Variants in DDX10 observed in about 807,000 individuals in gnomAD.
DDX10 encodes DEAD-box helicase 10, also known as probable ATP-dependent RNA helicase DDX10.
Under a neutral mutation model 104.3 loss-of-function variants are expected in DDX10, and 74 were observed. The ratio of observed to expected loss-of-function variants is 0.71; its 90% CI spans 0.59 to 0.86. The LOEUF (loss-of-function observed/expected upper bound fraction) is 0.86. DDX10 is among the 40% of genes least tolerant of loss of function. The pLI is 0.00. For synonymous variants in DDX10, 351 were observed against 353.4 expected, an observed-to-expected ratio of 0.99 and a Z score of 0.08; for missense variants, 952 against 1,040.0, an observed-to-expected ratio of 0.92 and a Z score of 1.16.
chr11:108,925,725 A>G (rs1419019547), intron 17 of DDX10, among the ~76,000 whole-genome samples: 1 of 152,198 alleles, frequency 6.6e-6, no homozygotes, highest in Non-Finnish European at 1.5e-5. Context: ...TGTTATTACA[A>G]GTAATTTTAA....
chr11:108,796,491 C>T (rs1342550466), intron 13 of DDX10, among the ~76,000 whole-genome samples: 3 of 152,160 alleles, frequency 2.0e-5, no homozygotes, highest in African/African-American at 7.2e-5. Context: ...ATTCTTATGT[C>T]TATCACAAAT....
intron 17 of DDX10, among the ~76,000 whole-genome samples, chr11:108,934,409 G>T (rs1346117453): frequency 6.6e-6 from 1 of 152,154 alleles, no homozygotes; most frequent in Non-Finnish European, 1.5e-5. Flanking sequence ...TGCTGATCTG[G>T]TGGTCTGGAA....
At chr11:108,742,799 T>G (rs2094326874) in intron 13 of DDX10, among the ~76,000 whole-genome samples, 2 of 151,998 alleles carry the variant, frequency 1.3e-5, no homozygotes, top group South Asian at 2.1e-4. Flanking sequence ...AAGAAATGGA[T>G]AAATTCCTGG....
intron 13 of DDX10, among the ~76,000 whole-genome samples, chr11:108,828,213 A>G (rs542594754): frequency 4.1e-4 from 62 of 152,268 alleles, no homozygotes; most frequent in Admixed American, 1.4e-3. Flanking sequence ...TTACATGAAT[A>G]GGTTCTTTAG....
chr11:108,841,252 A>G (rs1862633035), intron 14 of DDX10, 63 bp from the exon 15 acceptor site: 3 of 1,398,112 alleles, frequency 2.1e-6, no homozygotes, highest in Admixed American at 3.8e-5. Flanking sequence ...ATCAGACAAA[A>G]TGAAGTGTCT....
At chr11:108,863,066 GTTAT>G (rs1439196134) in intron 16 of DDX10, among the ~76,000 whole-genome samples, 1 of 152,060 alleles carries the variant, frequency 6.6e-6, no homozygotes, top group African/African-American at 2.4e-5. Flanking sequence ...ATAGATTCTG[GTTAT>G]TTATTTATTT....
At chr11:108,809,081 G>A (rs1252513624) in intron 13 of DDX10, among the ~76,000 whole-genome samples, 1 of 151,882 alleles carries the variant, frequency 6.6e-6, no homozygotes, top group African/African-American at 2.4e-5. Flanking sequence ...ATTATTTGGG[G>A]CAACTTTGAG....
At chr11:108,762,627 A>G (rs189927360) in intron 13 of DDX10, among the ~76,000 whole-genome samples, 2 of 152,326 alleles carry the variant, frequency 1.3e-5, no homozygotes, top group Admixed American at 6.5e-5. Flanking sequence ...TTCTCCAAAC[A>G]TCTTAATTGT....
At chr11:108,765,621 A>G (rs1334353805) in intron 13 of DDX10, among the ~76,000 whole-genome samples, 3 of 152,234 alleles carry the variant, frequency 2.0e-5, no homozygotes, top group Non-Finnish European at 4.4e-5. Context: ...TGTATTTAAT[A>G]TGTGTCAGTT....
intron 9 of DDX10, among the ~76,000 whole-genome samples, chr11:108,696,186 GT>G (rs747814944): frequency 6.7e-6 from 1 of 149,158 alleles, no homozygotes; most frequent in Non-Finnish European, 1.5e-5. Context: ...GTTCTGTTTT[GT>G]TTTTTTTGAG....
chr11:108,888,351 A>G (rs544897816), intron 16 of DDX10, among the ~76,000 whole-genome samples: 4 of 152,286 alleles, frequency 2.6e-5, no homozygotes, highest in Admixed American at 1.3e-4. Context: ...TGTTCAATAT[A>G]TATTCCCCCC....
rs573322949 is a variant in DDX10, at chr11:108,776,945, C to A, written c.1965+53483C>A. The stretch of plus-strand genomic sequence containing the variant: ...GCTTCCAGGTGGGGACTTGGCCCAG[C>A]TGACATTTTGATTTCAGACTTGTGA... On this transcript the variant is annotated intron_variant, in intron 13 of 17. Coordinates refer to ENST00000322536, the MANE Select transcript of DDX10 (RefSeq NM_004398.4). Among the ~76,000 whole-genome samples the A allele has an allele frequency of 3.3e-5, 5 of 152,322 alleles. No individual in the cohort carries two copies. In the East Asian group the frequency reaches 7.7e-4, roughly 24 times the overall value.
chr11:108,799,930 T>G (rs565225573), intron 13 of DDX10, among the ~76,000 whole-genome samples: 5 of 152,144 alleles, frequency 3.3e-5, no homozygotes, highest in African/African-American at 9.6e-5. Context: ...TTGTTGTTGT[T>G]AAGAGATGGA....
intron 13 of DDX10, among the ~76,000 whole-genome samples, chr11:108,817,192 T>C (rs1185912262): frequency 6.6e-6 from 1 of 152,244 alleles, no homozygotes; most frequent in Non-Finnish European, 1.5e-5. Flanking sequence ...TGCTGTATTC[T>C]TTCTTTCATA....
intron 14 of DDX10, 139 bp from the exon 15 acceptor site, chr11:108,841,176 T>A (rs1248114646): frequency 1.5e-6 from 1 of 673,476 alleles, no homozygotes; most frequent in Non-Finnish European, 2.5e-6. Context: ...TGAAGTTGAT[T>A]AGAAGATTAA....
Position 108,770,736 on chromosome 11 carries a change from T to C in DDX10, c.1965+47274T>C, listed in dbSNP as rs573228125. On this transcript the variant is annotated intron_variant, in intron 13 of 17. Coordinates refer to ENST00000322536, the MANE Select transcript of DDX10 (RefSeq NM_004398.4). ...TGGTTCACTAGTACTCCATTGTGCA[T>C]ATGTACCTCATTTTTTTTTTTAATC... Among the ~76,000 whole-genome samples, 5 of 152,236 alleles carry C rather than the reference T, an allele frequency of 3.3e-5. No homozygotes were observed. The South Asian group carries it at 1.0e-3, about 32-fold the overall frequency.
At chr11:108,703,806 A>G (rs979725729) in intron 9 of DDX10, among the ~76,000 whole-genome samples, 8 of 152,196 alleles carry the variant, frequency 5.3e-5, no homozygotes, top group African/African-American at 1.9e-4. Flanking sequence ...ATTCTAGAAT[A>G]AAAGCTTACT....
At chr11:108,704,533 C>T (rs988976102) in intron 9 of DDX10, among the ~76,000 whole-genome samples, 14 of 152,154 alleles carry the variant, frequency 9.2e-5, no homozygotes, top group Non-Finnish European at 1.9e-4. Flanking sequence ...AGTGTGAGAG[C>T]TTCAGAAGTT....
At chr11:108,758,001 G>A (rs181970137) in intron 13 of DDX10, among the ~76,000 whole-genome samples, 5 of 152,116 alleles carry the variant, frequency 3.3e-5, no homozygotes, top group Non-Finnish European at 7.4e-5. Context: ...TGCTTGGGCT[G>A]CCTACTGCTA....
Sources: allele counts gnomAD v4.1 joint callset (sites outside exome capture counted in the v4.1 genomes callset), GRCh38; gene constraint gnomAD v4.1.1; transcripts MANE v1.5; gene names NCBI Gene and HGNC (gene_info 2026-07-23, HGNC 2026-07-21).